Variants in CDC14A observed in about 807,000 individuals in gnomAD.
CDC14A encodes the protein cell division cycle 14A, also known as dual specificity protein phosphatase CDC14A.
CDC14A carries 53 observed loss-of-function variants against 74.4 expected under a neutral mutation model. That is an observed-to-expected ratio of 0.71 (90% confidence interval 0.57 to 0.89). CDC14A has a LOEUF of 0.89. Among genes scored for constraint, CDC14A ranks in the 40% least tolerant of loss-of-function variants. The pLI is 0.00. For missense variants in CDC14A, 646 were observed against 713.7 expected (o/e 0.91, Z 1.08); for synonymous variants, 247 against 258.4 (o/e 0.96, Z 0.43).
intron 8 of CDC14A, among the ~76,000 whole-genome samples, chr1:100,459,716 G>A: frequency 6.6e-6 from 1 of 152,232 alleles, no homozygotes; most frequent in South Asian, 2.1e-4. Flanking sequence ...CCATCTTGTG[G>A]CCAGATGGAG....
intron 10 of CDC14A, among the ~76,000 whole-genome samples, chr1:100,468,306 G>T (rs1387665921): frequency 6.6e-6 from 1 of 152,178 alleles, no homozygotes. Context: ...AGAGTGAGAA[G>T]AAAATCACAG....
At chr1:100,470,350 T>C (rs903243867) in intron 10 of CDC14A, among the ~76,000 whole-genome samples, 9 of 152,026 alleles carry the variant, frequency 5.9e-5, no homozygotes, top group Non-Finnish European at 1.3e-4. Context: ...TTATATTTAA[T>C]GGTGATGCTT....
chr1:100,411,344 T>G (rs1457743112), intron 4 of CDC14A, among the ~76,000 whole-genome samples: 2 of 152,222 alleles, frequency 1.3e-5, no homozygotes, highest in Non-Finnish European at 2.9e-5. Flanking sequence ...CCATTTTTGT[T>G]TTTGTTTTTC....
chr1:100,401,928 C>T (rs1659314545), intron 4 of CDC14A, among the ~76,000 whole-genome samples: 1 of 151,942 alleles, frequency 6.6e-6, no homozygotes, highest in Non-Finnish European at 1.5e-5. Context: ...ATCTCAGCTA[C>T]TCAGGAGGCT....
At chr1:100,351,636 G>GCC (rs1651015720), upstream of CDC14A, 2 of 932,182 alleles carry the variant, frequency 2.1e-6, no homozygotes. Context: ...CTCCGCGCCC[G>GCC]CCCAGGCTGG....
chr1:100,477,178 T>C (rs1668984928), intron 10 of CDC14A, among the ~76,000 whole-genome samples: 1 of 152,192 alleles, frequency 6.6e-6, no homozygotes, highest in African/African-American at 2.4e-5. Context: ...ACTCCAGATC[T>C]GTAAGAAAGT....
chr1:100,502,268 A>G (rs909510264), intron 15 of CDC14A, among the ~76,000 whole-genome samples: 1 of 152,182 alleles, frequency 6.6e-6, no homozygotes, highest in Non-Finnish European at 1.5e-5. Context: ...CCTTCCTGCA[A>G]GCTCTATCCA....
rs144200209 is a variant in CDC14A, at chr1:100,382,762, A to G, written c.216+5141A>G. On this transcript the variant is annotated intron_variant, in intron 3 of 15. Coordinates refer to ENST00000336454, the MANE Select transcript of CDC14A (RefSeq NM_003672.4). Reference sequence around the variant, plus strand: ...CACAGAAATGTAATTTTAAATTTACAAAACATCCCATATAGCCCTTTCAGG... The same window carrying G: ...CACAGAAATGTAATTTTAAATTTACGAAACATCCCATATAGCCCTTTCAGG... 3.8e-3 allele frequency among the ~76,000 whole-genome samples: 583 copies of G among 152,374 alleles called. 5 individuals are homozygous for G. The highest frequency in any genetic ancestry group is 0.013 in the African/African-American group (551 of 41,594).
upstream of CDC14A, among the ~76,000 whole-genome samples, chr1:100,349,231 C>T (rs1300751548): frequency 4.6e-5 from 7 of 152,036 alleles, no homozygotes; most frequent in Non-Finnish European, 1.0e-4. Flanking sequence ...TCAAACTCGA[C>T]ACTTTTTACA....
chr1:100,502,425 A>T (rs1306083924), intron 15 of CDC14A, among the ~76,000 whole-genome samples: 1 of 152,230 alleles, frequency 6.6e-6, no homozygotes, highest in African/African-American at 2.4e-5. Context: ...AACATGCTGT[A>T]CAGGTTTGCA....
At chr1:100,459,761 C>T (rs927073847) in intron 8 of CDC14A, among the ~76,000 whole-genome samples, 4 of 152,098 alleles carry the variant, frequency 2.6e-5, no homozygotes, top group Non-Finnish European at 5.9e-5. Context: ...AGTTCTGGGT[C>T]GGCACATTAT....
At chr1:100,376,480 A>T (rs1006181743) in intron 2 of CDC14A, among the ~76,000 whole-genome samples, 31 of 152,112 alleles carry the variant, frequency 2.0e-4, no homozygotes, top group African/African-American at 7.0e-4. Context: ...GGAGAAGCAA[A>T]GTGTTTTTTT....
chr1:100,504,772 C>T (rs1170617872), intron 15 of CDC14A: 6 of 1,427,756 alleles, frequency 4.2e-6, no homozygotes, highest in South Asian at 3.7e-5. Flanking sequence ...ATCTTTGCAC[C>T]AGCATTTACC....
At chr1:100,467,225 C>T (rs978578985) in intron 9 of CDC14A, among the ~76,000 whole-genome samples, 1 of 152,056 alleles carries the variant, frequency 6.6e-6, no homozygotes, top group African/African-American at 2.4e-5. Context: ...TACTACACGA[C>T]TGTAGTTTTA....
In CDC14A at chr1:100,440,762, A is replaced by G. The variant is rs183672862; in HGVS notation, c.456+764A>G. Among the ~76,000 whole-genome samples the G allele has an allele frequency of 2.3e-3, 349 of 152,322 alleles. 3 individuals carry two copies. Among genetic ancestry groups the G allele is most frequent in the African/African-American group, 7.7e-3 (322 of 41,572 alleles). The stretch of plus-strand genomic sequence containing the variant: ...CAATTCTAGTTCATTTCTTGGATGT[A>G]ATATAAAACTGATTTTTGCTGTGTT... On this transcript the variant is annotated intron_variant, in intron 6 of 15. Transcript: ENST00000336454.
In CDC14A at chr1:100,352,919, A is replaced by G; in HGVS notation, c.-36A>G. 3 of 1,613,302 alleles carry G rather than the reference A, an allele frequency of 1.9e-6. No homozygotes were observed. Among genetic ancestry groups the G allele is most frequent in the South Asian group, 1.1e-5 (1 of 91,026 alleles). On this transcript the variant is annotated 5_prime_UTR_variant, in exon 1 of 16. Transcript: ENST00000336454. ...CGGGGGCGAGTGACTTCAGCTGGCC[A>G]CGACCCAGCCCTCCCCCGTGCGTAT...
chr1:100,432,560 A>T (rs988961041), intron 5 of CDC14A, among the ~76,000 whole-genome samples: 12 of 152,148 alleles, frequency 7.9e-5, no homozygotes, highest in Non-Finnish European at 1.5e-4. Flanking sequence ...TGAGGCCAGG[A>T]GTTTGAGATC....
At chr1:100,407,977 T>C (rs183333410) in intron 4 of CDC14A, among the ~76,000 whole-genome samples, 7 of 152,286 alleles carry the variant, frequency 4.6e-5, no homozygotes, top group African/African-American at 1.7e-4. Context: ...GGTAAATTTG[T>C]GTCATAGGGG....
Position 100,352,702 on chromosome 1 carries a change from A to G in CDC14A, c.-253A>G. 7.4e-7 allele frequency: 1 copy of G among 1,355,898 alleles called. No individual in the cohort carries two copies. Among genetic ancestry groups the G allele is most frequent in the Non-Finnish European group, 9.5e-7 (1 of 1,057,922 alleles). The allele number at this position is 1,355,898 out of a possible 1,614,324, so 84.0% of individuals were successfully genotyped here. A position where few individuals can be genotyped will look rare whatever the true frequency, so the allele number is the denominator to read the frequency against. ...GCAGCAGCTGCAGCAGCCGAGTCCA[A>G]ATAGGAGCGGCCACAGCCAGGGGCG... is the stretch of plus-strand genomic sequence containing the variant. On this transcript the variant is annotated 5_prime_UTR_variant, in exon 1 of 16. Transcript: ENST00000336454.
Sources: gnomAD v4.1 joint callset for allele counts (sites outside exome capture counted in the v4.1 genomes callset) on GRCh38, gnomAD v4.1.1 for gene constraint, MANE v1.5 for transcripts, NCBI Gene and HGNC (gene_info 2026-07-23, HGNC 2026-07-21) for gene names.